NFU1: variants seen among roughly 807,000 people sequenced by gnomAD.
The protein encoded by NFU1 is NFU1 iron-sulfur cluster scaffold.
NFU1 carries 30 observed loss-of-function variants against 32.2 expected under a neutral mutation model. That is an observed-to-expected ratio of 0.93 (90% CI 0.70 to 1.26). NFU1 has a LOEUF of 1.26. Ranked by LOEUF, NFU1 falls within the 50% of genes most tolerant of loss-of-function variation. The pLI, the probability that NFU1 is intolerant of heterozygous loss-of-function variation, is 0.00. For synonymous variants in NFU1, 112 were observed against 104.6 expected (o/e 1.07, Z -0.43); for missense variants, 306 against 306.6 (o/e 1.00, Z 0.02).
At chr2:69,421,805 G>A (rs1220169877) in intron 3 of NFU1, among the ~76,000 whole-genome samples, 2 of 151,530 alleles carry the variant, frequency 1.3e-5, no homozygotes, top group Admixed American at 6.6e-5. Context: ...GACATGATCC[G>A]CCCGCCTCGG....
intron 1 of NFU1, among the ~76,000 whole-genome samples, chr2:69,434,277 G>A (rs1673754040): frequency 2.0e-5 from 3 of 151,898 alleles, no homozygotes; most frequent in South Asian, 2.1e-4. Flanking sequence ...CCAAGTAGCT[G>A]GGATTATAGA....
intron 7 of NFU1, among the ~76,000 whole-genome samples, chr2:69,397,990 C>G (rs1158311860): frequency 1.3e-5 from 2 of 151,290 alleles, no homozygotes; most frequent in Non-Finnish European, 1.5e-5. Context: ...CTTTCATAGG[C>G]TGTCTTTTTG....
chr2:69,397,566 T>C (rs1280273281), intron 7 of NFU1, among the ~76,000 whole-genome samples: 1 of 151,744 alleles, frequency 6.6e-6, no homozygotes, highest in Non-Finnish European at 1.5e-5. Flanking sequence ...TCAACTAACA[T>C]AATTTTTTAA....
chr2:69,430,042 A>C (rs541333006), intron 2 of NFU1: 15 of 322,608 alleles, frequency 4.6e-5, no homozygotes, highest in African/African-American at 2.9e-4. Context: ...AACAAACAAA[A>C]AAAAACACCT....
chr2:69,431,479 G>A (rs1673637392), intron 2 of NFU1, among the ~76,000 whole-genome samples: 3 of 152,062 alleles, frequency 2.0e-5, no homozygotes, highest in Non-Finnish European at 4.4e-5. Context: ...CTAATTTTTT[G>A]TATTTTTTGT....
intron 5 of NFU1, among the ~76,000 whole-genome samples, chr2:69,413,674 G>A (rs1332280102): frequency 4.6e-5 from 7 of 152,108 alleles, no homozygotes; most frequent in Non-Finnish European, 5.9e-5. Flanking sequence ...TAGAAGGATC[G>A]CTTGAACCTG....
chr2:69,404,899 C>G (rs925585816), intron 6 of NFU1, among the ~76,000 whole-genome samples: 1 of 151,496 alleles, frequency 6.6e-6, no homozygotes, highest in Admixed American at 6.6e-5. Context: ...GGATTACAAG[C>G]GTGAGCCACC....
rs141049329 is a variant in NFU1, at chr2:69,423,422, A to AT, written c.302+159dup. ...GGTGTGAGGCACTGCAACAGGCCTT[A>AT]TTTTTTTTTTAATCTCTCATCTGAA... On this transcript the variant is annotated intron_variant, in intron 3 of 7. Coordinates refer to ENST00000410022, the MANE Select transcript of NFU1 (RefSeq NM_001002755.4). Among the ~76,000 whole-genome samples the AT allele has an allele frequency of 0.44, 65,825 of 148,498 alleles. 14,743 individuals are homozygous for AT. The highest frequency in any genetic ancestry group is 0.52 in the African/African-American group (20,972 of 40,378).
chr2:69,400,606 C>T (rs1413252304), intron 6 of NFU1, 68 bp from the exon 7 acceptor site: 1 of 1,331,600 alleles, frequency 7.5e-7, no homozygotes. Context: ...AAATTTAATA[C>T]AGCTCAGAGC....
chr2:69,419,481 G>A, intron 4 of NFU1, 57 bp downstream of exon 4: 1 of 877,926 alleles, frequency 1.1e-6, no homozygotes. Flanking sequence ...AGAGGCATTG[G>A]ACTCAGAAAA....
Position 69,423,395 on chromosome 2 carries a change from C to T in NFU1, c.302+187G>A, listed in dbSNP as rs11892371. On this transcript the variant is annotated intron_variant, in intron 3 of 7. Transcript: ENST00000410022. ...TCAGCCTTCCAAAGTGTTAGGATTA[C>T]AGGTGTGAGGCACTGCAACAGGCCT... Among the ~76,000 whole-genome samples the T allele has an allele frequency of 0.44, 66,875 of 150,900 alleles. 15,119 individuals carry two copies. Among genetic ancestry groups the T allele is most frequent in the African/African-American group, 0.52 (21,316 of 41,052 alleles).
intron 4 of NFU1, among the ~76,000 whole-genome samples, chr2:69,415,939 C>A (rs1280706483): frequency 6.6e-6 from 1 of 151,436 alleles, no homozygotes; most frequent in Non-Finnish European, 1.5e-5. Flanking sequence ...CTAGCCTGGG[C>A]AACATAGCGA....
chr2:69,409,211 C>T (rs1672802462), intron 5 of NFU1, among the ~76,000 whole-genome samples: 1 of 151,972 alleles, frequency 6.6e-6, no homozygotes, highest in African/African-American at 2.4e-5. Context: ...CATATGGATC[C>T]ATAAAGAATA....
intron 2 of NFU1, among the ~76,000 whole-genome samples, chr2:69,429,259 T>C (rs1235814855): frequency 6.6e-6 from 1 of 152,142 alleles, no homozygotes; most frequent in Non-Finnish European, 1.5e-5. Flanking sequence ...TCTACCAATA[T>C]TTGAAAAATT....
intron 7 of NFU1, chr2:69,399,500 A>C: frequency 2.8e-6 from 1 of 362,742 alleles, no homozygotes; most frequent in Non-Finnish European, 5.4e-6. Context: ...TTGCATATTT[A>C]AGAATACATA....
chr2:69,410,693 T>C (rs563475912), intron 5 of NFU1: 3 of 152,260 alleles, frequency 2.0e-5, no homozygotes, highest in South Asian at 2.1e-4. Context: ...CGCTTTATGA[T>C]AACAAAACCT....
chr2:69,431,356 A>C (rs922972215), intron 2 of NFU1, among the ~76,000 whole-genome samples: 1 of 152,186 alleles, frequency 6.6e-6, no homozygotes, highest in African/African-American at 2.4e-5. Flanking sequence ...CCCAGGCTGG[A>C]GCACAGTGGT....
At chr2:69,400,275 CT>C (rs1198342439) in intron 7 of NFU1, 88 bp downstream of exon 7, 1 of 1,200,006 alleles carries the variant, frequency 8.3e-7, no homozygotes, top group Non-Finnish European at 1.2e-6. Context: ...TTTTCAAATA[CT>C]TGCCTTAACA....
intron 6 of NFU1, 23 bp downstream of exon 6, chr2:69,405,999 C>G (rs776695574): frequency 2.0e-6 from 3 of 1,504,876 alleles, no homozygotes; most frequent in Non-Finnish European, 1.8e-6. Context: ...CACTTGAATT[C>G]AGGTAGAGAG....
Sources: allele counts gnomAD v4.1 joint callset (sites outside exome capture counted in the v4.1 genomes callset), GRCh38; gene constraint gnomAD v4.1.1; transcripts MANE v1.5; gene names NCBI Gene and HGNC (gene_info 2026-07-23, HGNC 2026-07-21).